ATM: variants seen among roughly 807,000 people sequenced by gnomAD.
ATM encodes the protein serine-protein kinase ATM.
ATM carries 308 observed loss-of-function variants against 387.0 expected under a neutral mutation model. The ratio of observed to expected loss-of-function variants is 0.80; its 90% confidence interval spans 0.73 to 0.87. The LOEUF (loss-of-function observed/expected upper bound fraction) is 0.87. ATM is among the 40% of genes least tolerant of loss of function. The pLI is 0.00. For synonymous variants in ATM, 1,156 were observed against 1,187.3 expected, an observed-to-expected ratio of 0.97 and a Z score of 0.54; for missense variants, 3,312 against 3,560.9, an observed-to-expected ratio of 0.93 and a Z score of 1.78.
chr11:108,253,614 T>C (rs1265007368), intron 12 of ATM, among the ~76,000 whole-genome samples, 200 bp from the exon 13 acceptor site: 1 of 152,122 alleles, frequency 6.6e-6, no homozygotes, highest in East Asian at 1.9e-4. Context: ...AATTTGCTAC[T>C]GAATAATGAC....
chr11:108,234,091 G>T (rs776648608), intron 4 of ATM, among the ~76,000 whole-genome samples: 14 of 152,120 alleles, frequency 9.2e-5, no homozygotes, highest in Non-Finnish European at 2.1e-4. Flanking sequence ...ATCATACAAT[G>T]GATGTTTTAG....
intron 14 of ATM, among the ~76,000 whole-genome samples, 168 bp from the exon 15 acceptor site, chr11:108,257,313 T>C (rs1330812074): frequency 2.0e-5 from 3 of 152,258 alleles, no homozygotes; most frequent in East Asian, 3.8e-4. Flanking sequence ...TAATGAGTTT[T>C]GCTTATACTG....
chr11:108,248,064 G>T (rs1393954951), intron 8 of ATM, among the ~76,000 whole-genome samples: 1 of 152,168 alleles, frequency 6.6e-6, no homozygotes, highest in Non-Finnish European at 1.5e-5. Context: ...TGAGTCTTTT[G>T]TGTCTGGTTT....
At chr11:108,363,923 A>G (rs1295043405) in intron 61 of ATM, among the ~76,000 whole-genome samples, 1 of 152,168 alleles carries the variant, frequency 6.6e-6, no homozygotes, top group African/African-American at 2.4e-5. Context: ...AATAAAATAT[A>G]TTAATATTTC....
Position 108,331,516 on chromosome 11 carries a change from A to T in ATM, c.7588A>T (p.Lys2530Ter). 1.2e-6 allele frequency: 2 copies of T among 1,613,518 alleles called. No homozygotes were observed. The highest frequency in any genetic ancestry group is 1.7e-6 in the Non-Finnish European group (2 of 1,179,734). Reference protein sequence around the residue: ...MYQLAARMGTKMMGGLGFHEV... With the variant: ...MYQLAARMGT ...CCAATTGGCTGCTAGAATGGGGACC[A>T]AGATGATGGGAGGCCTAGGATTTCA... is the stretch of plus-strand genomic sequence containing the variant. Residue 2530 changes from lysine (K) to a stop codon, truncating the protein, a stop_gained, in exon 51 of 63, where the codon AAG becomes TAG. Transcript: ENST00000675843. LOFTEE classifies it high-confidence loss of function.
Position 108,368,142 on chromosome 11 carries a change from A to C in ATM, c.*2634A>C, listed in dbSNP as rs1368813513. The C allele has an allele frequency of 4.8e-6, 1 of 208,180 alleles. No individual in the cohort carries two copies. Among genetic ancestry groups the C allele is most frequent in the Non-Finnish European group, 9.8e-6 (1 of 102,376 alleles). 12.9% of individuals were successfully genotyped at this position (208,180 alleles called of 1,614,324 possible). A position where few individuals can be genotyped will look rare whatever the true frequency, so the allele number is the denominator to read the frequency against. On this transcript the variant is annotated 3_prime_UTR_variant, in exon 63 of 63. Transcript: ENST00000675843. Reference sequence around the variant, plus strand: ...ATCAATGGCTTTGAAAAGTTTATCAAATTTACATACAGATCACAAGCCTAG... The same window carrying C: ...ATCAATGGCTTTGAAAAGTTTATCACATTTACATACAGATCACAAGCCTAG...
intron 46 of ATM, 73 bp from the exon 47 acceptor site, chr11:108,325,985 C>CATT (rs3212322): frequency 3.3e-6 from 5 of 1,537,510 alleles, no homozygotes; most frequent in African/African-American, 1.4e-5. Flanking sequence ...TTGCTGCTTT[C>CATT]ATTATTATTA....
At position 108,289,621 on chromosome 11, in the gene ATM, T is replaced by C. The variant is rs1060501622; in HGVS notation, c.4256T>C (p.Leu1419Pro). The change falls in exon 29 of 63, where the codon CTT becomes CCT. Residue 1419 changes from leucine to proline, a missense_variant. By Grantham distance (98) the Leu-to-Pro change is moderately conservative. Transcript: ENST00000675843. ...TTCTAGGATTCCTATCAGAAAATTC[T>C]TCTTGCCATATGTGAGCAAGCAGCT... ...SKSPDSYQKI[L>P]LAICEQAAET... 3 of 1,606,170 alleles carry C rather than the reference T, an allele frequency of 1.9e-6. No individual in the cohort carries two copies. Among genetic ancestry groups the C allele is most frequent in the Non-Finnish European group, 2.5e-6 (3 of 1,176,806 alleles).
intron 44 of ATM, among the ~76,000 whole-genome samples, 184 bp downstream of exon 44, chr11:108,320,242 C>A (rs2085105941): frequency 6.6e-6 from 1 of 152,174 alleles, no homozygotes; most frequent in South Asian, 2.1e-4. Context: ...TTCTGGGATT[C>A]CAGGTTCATT....
intron 22 of ATM, among the ~76,000 whole-genome samples, chr11:108,275,063 A>G (rs1328019367): frequency 1.3e-5 from 2 of 152,208 alleles, no homozygotes; most frequent in Admixed American, 6.6e-5. Context: ...TATTGGGTGC[A>G]TATATATTTA....
intron 16 of ATM, among the ~76,000 whole-genome samples, chr11:108,261,130 C>G (rs1423523959): frequency 6.6e-6 from 1 of 152,200 alleles, no homozygotes; most frequent in Non-Finnish European, 1.5e-5. Flanking sequence ...CTAGGTGGAG[C>G]CCACCACAGC....
rs200441272 is a variant in ATM, at chr11:108,331,444, A to G, written c.7516A>G (p.Arg2506Gly). ...TTTTGTGTCTTTTTTTTAATGGTAG[A>G]GAGACGGAATGAAGATTCCAACATA... is the stretch of plus-strand genomic sequence containing the variant. Reference protein sequence around the residue: ...GVSEVNGMMKRDGMKIPTYKF... With the variant: ...GVSEVNGMMKGDGMKIPTYKF... The change falls in exon 51 of 63, where the codon AGA becomes GGA. Residue 2506 changes from arginine to glycine, a missense_variant and splice_region_variant. Physicochemically the swap from Arg to Gly is moderately radical, Grantham distance 125 (BLOSUM62 -2). Coordinates refer to ENST00000675843, the MANE Select transcript of ATM (RefSeq NM_000051.4). The G allele has an allele frequency of 3.0e-5, 49 of 1,612,730 alleles. No individual in the cohort carries two copies. In the African/African-American group the frequency reaches 5.6e-4, roughly 18 times the overall value.
chr11:108,301,641 T>C lies in ATM; in HGVS notation c.5178-7T>C, dbSNP rs1555105564. 4 of 1,613,588 alleles carry C rather than the reference T, an allele frequency of 2.5e-6. No individual in the cohort carries two copies. The highest frequency in any genetic ancestry group is 3.4e-6 in the Non-Finnish European group (4 of 1,179,644). On this transcript the variant is annotated splice_polypyrimidine_tract_variant and splice_region_variant and intron_variant, in intron 34 of 62. Coordinates refer to ENST00000675843, the MANE Select transcript of ATM (RefSeq NM_000051.4). ...TACTTGATAGGCATTTGAATTGTTT[T>C]TTTCAGTGTCAAAGTTCGATCAGCA...
At position 108,282,338 on chromosome 11, in the gene ATM, A is replaced by G. The variant is rs4987987; in HGVS notation, c.3577-372A>G. 4.2e-3 allele frequency among the ~76,000 whole-genome samples: 632 copies of G among 152,198 alleles called. 3 individuals are homozygous for G. The highest frequency in any genetic ancestry group is 0.014 in the African/African-American group (589 of 41,516). On this transcript the variant is annotated intron_variant, in intron 24 of 62. Transcript: ENST00000675843. ...AGACGGGCTCTTGCTATGTTGCCCA[A>G]GCTGGTCTTGAACTCTTGGGCTTAA...
intron 40 of ATM, among the ~76,000 whole-genome samples, chr11:108,315,334 T>G (rs1163889616): frequency 1.3e-5 from 2 of 152,222 alleles, no homozygotes; most frequent in Non-Finnish European, 2.9e-5. Flanking sequence ...TATATTTGTC[T>G]TAACCACAAA....
chr11:108,343,253 T>G lies in ATM; in HGVS notation c.8300T>G (p.Leu2767Arg), dbSNP rs1591247825. The change falls in exon 57 of 63, where the codon CTT becomes CGT. Residue 2767 changes from leucine to arginine, a missense_variant. Coordinates refer to ENST00000675843, the MANE Select transcript of ATM (RefSeq NM_000051.4). ...CCCCTCTCTCAGCGAAGTGGTGTTC[T>G]TGAATGGTGCACAGGAACTGTCCCC... is the stretch of plus-strand genomic sequence containing the variant. The part of the protein sequence containing the change: ...VVPLSQRSGV[L>R]EWCTGTVPIG... 6.2e-7 allele frequency: 1 copy of G among 1,614,050 alleles called. No homozygotes were observed. The highest frequency in any genetic ancestry group is 8.5e-7 in the Non-Finnish European group (1 of 1,179,928).
intron 1 of ATM, chr11:108,225,297 A>C (rs1255296162): frequency 6.6e-6 from 1 of 152,230 alleles, no homozygotes; most frequent in African/African-American, 2.4e-5. Flanking sequence ...TGTCCACAGG[A>C]AGTATATAAT....
Position 108,268,697 on chromosome 11 carries a change from G to A in ATM, c.2838+88G>A, listed in dbSNP as rs1229764232. The A allele has an allele frequency of 2.9e-6, 4 of 1,382,906 alleles. No homozygotes were observed. In the African/African-American group the frequency reaches 4.3e-5, roughly 15 times the overall value. The allele number at this position is 1,382,906 out of a possible 1,614,324, so 85.7% of individuals were successfully genotyped here. On this transcript the variant is annotated intron_variant, in intron 18 of 62. Coordinates refer to ENST00000675843, the MANE Select transcript of ATM (RefSeq NM_000051.4). ...AGTTGACATGTAAGAATCACATGGT[G>A]TCTTTGAAGAATTGAAATTGCTTTC...
intron 5 of ATM, among the ~76,000 whole-genome samples, chr11:108,238,921 A>AC (rs2079429708): frequency 6.6e-6 from 1 of 152,108 alleles, no homozygotes; most frequent in Admixed American, 6.5e-5. Context: ...CATCTCCAGA[A>AC]CTTTTTTTTC....
Sources: allele counts gnomAD v4.1 joint callset (sites outside exome capture counted in the v4.1 genomes callset), GRCh38; gene constraint gnomAD v4.1.1; transcripts MANE v1.5; gene names NCBI Gene and HGNC (gene_info 2026-07-23, HGNC 2026-07-21).